The following TYW1B variants were observed in gnomAD, a reference collection of about 807,000 sequenced individuals.
TYW1B encodes the protein tRNA-yW synthesizing protein 1 homolog B.
Under a neutral mutation model 86.9 loss-of-function variants are expected in TYW1B, and 73 were observed. The ratio of observed to expected loss-of-function variants is 0.84; its 90% CI spans 0.70 to 1.02. The LOEUF is 1.02. TYW1B is among the 50% of genes least tolerant of loss of function. The probability of loss-of-function intolerance (pLI) is 0.00; values close to 1 mark genes in which losing one functional copy is unlikely to be tolerated. For missense variants in TYW1B, 637 were observed against 827.4 expected, an observed-to-expected ratio of 0.77 and a Z score of 2.82; for synonymous variants, 248 against 292.8, an observed-to-expected ratio of 0.85 and a Z score of 1.56.
At position 72,810,462 on chromosome 7, in the gene TYW1B, T is replaced by C. The variant is rs560937202; in HGVS notation, c.432+9A>G. On this transcript the variant is annotated intron_variant, in intron 4 of 13. Coordinates refer to ENST00000620995, the MANE Select transcript of TYW1B (RefSeq NM_001145440.3). ...GAGAATTTATTCCTATAATTCAATATAGACCTACCTTGTTGAAGTGGCTAG... is the reference window on the plus strand; with the variant it reads ...GAGAATTTATTCCTATAATTCAATACAGACCTACCTTGTTGAAGTGGCTAG... 7.5e-5 allele frequency: 121 copies of C among 1,605,914 alleles called. No individual in the cohort carries two copies. In the East Asian group the frequency reaches 1.9e-3, roughly 25 times the overall value.
intron 11 of TYW1B, among the ~76,000 whole-genome samples, chr7:72,663,761 C>A (rs1435716934): frequency 2.3e-3 from 135 of 57,796 alleles, no homozygotes; most frequent in South Asian, 5.7e-3. Flanking sequence ...GACTCCATCT[C>A]AAAAAAAAAA....
chr7:72,826,983 G>A lies in TYW1B; in HGVS notation c.7C>T (p.Pro3Ser). 6.2e-7 allele frequency: 1 copy of A among 1,600,916 alleles called. No individual in the cohort carries two copies. Among genetic ancestry groups the A allele is most frequent in the Non-Finnish European group, 8.5e-7 (1 of 1,175,728 alleles). Residue 3 changes from proline to serine, a missense_variant and splice_region_variant, in exon 2 of 14, where the codon CCT (proline) becomes TCT (serine). Coordinates refer to ENST00000620995, the MANE Select transcript of TYW1B (RefSeq NM_001145440.3). MD[P>S]SADTWDLSSP... ...GAGAGGTCCCATGTATCCGCAGAAGGATCTAAATTTAAAATGACACACACA... is the reference window on the plus strand; with the variant it reads ...GAGAGGTCCCATGTATCCGCAGAAGAATCTAAATTTAAAATGACACACACA...
intron 7 of TYW1B, among the ~76,000 whole-genome samples, chr7:72,745,742 A>T: frequency 6.6e-6 from 1 of 151,842 alleles, no homozygotes; most frequent in East Asian, 1.9e-4. Flanking sequence ...ATCCAAAATA[A>T]CTGATTTTGA....
At chr7:72,767,246 G>A (rs1189970454) in intron 7 of TYW1B, among the ~76,000 whole-genome samples, 3 of 152,158 alleles carry the variant, frequency 2.0e-5, no homozygotes, top group Non-Finnish European at 4.4e-5. Context: ...CCCTGTTATT[G>A]ATCTTTGCAG....
intron 7 of TYW1B, among the ~76,000 whole-genome samples, chr7:72,747,061 A>T (rs1270403523): frequency 2.0e-5 from 3 of 152,050 alleles, no homozygotes; most frequent in Non-Finnish European, 4.4e-5. Context: ...ATGGATATCT[A>T]ATTGCTCCAC....
At chr7:72,786,367 A>C (rs797039563) in intron 6 of TYW1B, among the ~76,000 whole-genome samples, 32 of 152,228 alleles carry the variant, frequency 2.1e-4, no homozygotes, top group South Asian at 1.0e-3. Context: ...GAAAGCTGAA[A>C]TATCATAAAC....
chr7:72,713,522 A>G (rs1358223987), intron 10 of TYW1B, 99 bp downstream of exon 10: 1 of 1,218,992 alleles, frequency 8.2e-7, no homozygotes, highest in African/African-American at 1.5e-5. Context: ...TGTAGTAAGT[A>G]ATCAATAAAT....
chr7:72,670,438 G>A (rs1421299042), intron 11 of TYW1B, among the ~76,000 whole-genome samples: 2 of 152,158 alleles, frequency 1.3e-5, no homozygotes, highest in African/African-American at 2.4e-5. Flanking sequence ...TGATCCACCC[G>A]CCTTGGCCTC....
At chr7:72,773,076 A>AT (rs1563089295) in intron 7 of TYW1B, among the ~76,000 whole-genome samples, 1 of 152,202 alleles carries the variant, frequency 6.6e-6, no homozygotes, top group African/African-American at 2.4e-5. Context: ...GTGGAATTCC[A>AT]TATTATACTG....
intron 11 of TYW1B, among the ~76,000 whole-genome samples, chr7:72,663,719 A>C (rs1309058414): frequency 1.5e-5 from 2 of 133,084 alleles, no homozygotes. Flanking sequence ...AGCCGAGATC[A>C]CGCCACTGCA....
chr7:72,609,413 G>C (rs1460065582), intron 13 of TYW1B, among the ~76,000 whole-genome samples: 1 of 152,016 alleles, frequency 6.6e-6, no homozygotes, highest in African/African-American at 2.4e-5. Flanking sequence ...TTAAAAATTA[G>C]CTGGGCATGG....
intron 11 of TYW1B, among the ~76,000 whole-genome samples, chr7:72,650,011 T>C (rs1554442562): frequency 6.6e-6 from 1 of 151,482 alleles, no homozygotes; most frequent in African/African-American, 2.4e-5. Context: ...TGCCTCAGCC[T>C]CATGAGTAGC....
intron 11 of TYW1B, among the ~76,000 whole-genome samples, chr7:72,683,568 T>TCAAAACAAAA (rs797023042): frequency 1.3e-5 from 2 of 152,070 alleles, no homozygotes; most frequent in Non-Finnish European, 2.9e-5. Flanking sequence ...AGACTCCGAC[T>TCAAAACAAAA]CAAAACAAAA....
intron 11 of TYW1B, among the ~76,000 whole-genome samples, chr7:72,680,951 CA>C (rs1813859688): frequency 6.6e-6 from 1 of 152,114 alleles, no homozygotes; most frequent in South Asian, 2.1e-4. Context: ...ATCATATACA[CA>C]AAAATGATAG....
chr7:72,779,908 A>G (rs1474873275), intron 6 of TYW1B, among the ~76,000 whole-genome samples: 1 of 151,502 alleles, frequency 6.6e-6, no homozygotes, highest in African/African-American at 2.4e-5. Flanking sequence ...CCTAAAAGTC[A>G]GCATTCCAAA....
intron 13 of TYW1B, among the ~76,000 whole-genome samples, chr7:72,581,800 C>G (rs1166659459): frequency 1.1e-4 from 16 of 152,214 alleles, no homozygotes; most frequent in Non-Finnish European, 2.2e-4. Context: ...GGCGCAGACA[C>G]TCTGTCACCC....
intron 10 of TYW1B, among the ~76,000 whole-genome samples, chr7:72,706,909 A>G (rs1814628319): frequency 6.6e-6 from 1 of 152,206 alleles, no homozygotes; most frequent in Non-Finnish European, 1.5e-5. Flanking sequence ...CTTCTTACCA[A>G]CTGAGGGTTT....
intron 2 of TYW1B, among the ~76,000 whole-genome samples, chr7:72,818,623 C>T (rs1586009004): frequency 7.1e-6 from 1 of 140,396 alleles, no homozygotes; most frequent in Non-Finnish European, 1.6e-5. Context: ...ATACTTGAGA[C>T]TGGGCAATTT....
chr7:72,754,419 G>A (rs1787553103), intron 7 of TYW1B, among the ~76,000 whole-genome samples: 1 of 151,110 alleles, frequency 6.6e-6, no homozygotes, highest in Non-Finnish European at 1.5e-5. Context: ...GGGATTACAG[G>A]CACGAGCCAC....
Sources: gnomAD v4.1 joint callset for allele counts (sites outside exome capture counted in the v4.1 genomes callset) on GRCh38, gnomAD v4.1.1 for gene constraint, MANE v1.5 for transcripts, NCBI Gene and HGNC (gene_info 2026-07-23, HGNC 2026-07-21) for gene names.